Variants in SLC2A10 observed in about 807,000 individuals in gnomAD.
SLC2A10 encodes the protein solute carrier family 2, facilitated glucose transporter member 10.
SLC2A10 carries 25 observed loss-of-function variants against 32.1 expected under a neutral mutation model. The observed-to-expected ratio is 0.78, with a 90% CI of 0.57 to 1.09. The LOEUF is 1.09. Ranked by LOEUF, SLC2A10 falls within the 50% of genes least tolerant of loss-of-function variation. The probability of loss-of-function intolerance (pLI) is 0.00; values close to 1 mark genes in which losing one functional copy is unlikely to be tolerated. For synonymous variants in SLC2A10, 332 were observed against 309.6 expected, an observed-to-expected ratio of 1.07 and a Z score of -0.76; for missense variants, 673 against 686.5, an observed-to-expected ratio of 0.98 and a Z score of 0.22.
At chr20:46,716,222 G>T (rs565089734) in intron 1 of SLC2A10, among the ~76,000 whole-genome samples, 4 of 149,620 alleles carry the variant, frequency 2.7e-5, no homozygotes, top group Non-Finnish European at 5.9e-5. Context: ...GCACGATCTC[G>T]GCTCACTGCA....
chr20:46,734,805 T>G lies in SLC2A10; in HGVS notation c.*971T>G, dbSNP rs1166435806. 6.5e-6 allele frequency: 1 copy of G among 152,672 alleles called. No individual in the cohort carries two copies. The highest frequency in any genetic ancestry group is 1.5e-5 in the Non-Finnish European group (1 of 68,060). The allele number at this position is 152,672 out of a possible 1,614,324, so 9.5% of individuals were successfully genotyped here. On this transcript the variant is annotated 3_prime_UTR_variant, in exon 5 of 5. Transcript: ENST00000359271. The stretch of plus-strand genomic sequence containing the variant: ...GAATTCTAAATGCTGGTCTAGGAGC[T>G]GTCTCCAGGATGGTGCAGGATGGCT...
At chr20:46,731,044 C>A (rs1980269514) in intron 4 of SLC2A10, among the ~76,000 whole-genome samples, 1 of 152,214 alleles carries the variant, frequency 6.6e-6, no homozygotes, top group Admixed American at 6.5e-5. Context: ...TTGAGTGGAA[C>A]CTTCTGCAGT....
chr20:46,726,909 G>A lies in SLC2A10; in HGVS notation c.1334G>A (p.Gly445Glu), dbSNP rs753723351. ...GAGATCTACCCTGTGGAGATACGAGGAAGAGCCTTCGCCTTCTGCAACAGC... is the reference window on the plus strand; with the variant it reads ...GAGATCTACCCTGTGGAGATACGAGAAAGAGCCTTCGCCTTCTGCAACAGC... The part of the protein sequence containing the change: ...LSEIYPVEIR[G>E]RAFAFCNSFN... The change falls in exon 3 of 5, where the codon GGA (glycine) becomes GAA (glutamate). Residue 445 changes from glycine (G) to glutamate (E), a missense_variant. Physicochemically the swap from Gly to Glu is moderately conservative, Grantham distance 98. Transcript: ENST00000359271. 4.3e-6 allele frequency: 7 copies of A among 1,614,136 alleles called. No individual in the cohort carries two copies. Among genetic ancestry groups the A allele is most frequent in the Non-Finnish European group, 2.5e-6 (3 of 1,180,012 alleles).
In SLC2A10 at chr20:46,714,250, C is replaced by G. The variant is rs1002065346; in HGVS notation, c.4+4510C>G. ...CCCTGGTGAGCAAACACACCCGGTCCGACTCTCACTGGCCCAGGTTCACCC... is the reference window on the plus strand; with the variant it reads ...CCCTGGTGAGCAAACACACCCGGTCGGACTCTCACTGGCCCAGGTTCACCC... On this transcript the variant is annotated intron_variant, in intron 1 of 4. Coordinates refer to ENST00000359271, the MANE Select transcript of SLC2A10 (RefSeq NM_030777.4). 2.6e-5 allele frequency among the ~76,000 whole-genome samples: 4 copies of G among 152,242 alleles called. No individual in the cohort carries two copies. The East Asian group carries it at 7.8e-4, about 30-fold the overall frequency.
chr20:46,719,715 G>C (rs1979445894), intron 1 of SLC2A10, among the ~76,000 whole-genome samples: 1 of 152,218 alleles, frequency 6.6e-6, no homozygotes, highest in Non-Finnish European at 1.5e-5. Flanking sequence ...AAGTGGAGCA[G>C]GAGATGACAT....
In SLC2A10 at chr20:46,734,122, T is replaced by C. The variant is rs1980449433; in HGVS notation, c.*288T>C. 2 of 490,056 alleles carry C rather than the reference T, an allele frequency of 4.1e-6. No individual in the cohort carries two copies. Among genetic ancestry groups the C allele is most frequent in the South Asian group, 4.2e-5 (2 of 47,964 alleles). The allele number at this position is 490,056 out of a possible 1,614,324, so 30.4% of individuals were successfully genotyped here. ...TTTATAAGAAGAATATTCTATGAAG[T>C]CTTTGTTGCACCATGGACTTTTCTC... On this transcript the variant is annotated 3_prime_UTR_variant, in exon 5 of 5. Coordinates refer to ENST00000359271, the MANE Select transcript of SLC2A10 (RefSeq NM_030777.4).
Position 46,725,104 on chromosome 20 carries a change from G to T in SLC2A10, c.68G>T (p.Gly23Val). ...SVSLLGGLTF[G>V]YELAVISGAL... ...TCTTTGCTGGGTGGCCTGACCTTTGGTTATGAACTGGCAGTCATATCAGGT... is the reference window on the plus strand; with the variant it reads ...TCTTTGCTGGGTGGCCTGACCTTTGTTTATGAACTGGCAGTCATATCAGGT... Residue 23 changes from glycine (G) to valine (V), a missense_variant, in exon 2 of 5, where the codon GGT (glycine) becomes GTT (valine). Gly to Val is a moderately radical substitution (Grantham distance 109). Coordinates refer to ENST00000359271, the MANE Select transcript of SLC2A10 (RefSeq NM_030777.4). The T allele has an allele frequency of 6.2e-7, 1 of 1,614,186 alleles. No homozygotes were observed. The highest frequency in any genetic ancestry group is 8.5e-7 in the Non-Finnish European group (1 of 1,180,038).
At chr20:46,709,993 G>A (rs758525146) in intron 1 of SLC2A10, 31 of 539,578 alleles carry the variant, frequency 5.7e-5, no homozygotes, top group Non-Finnish European at 8.7e-5. Flanking sequence ...CGCCCACTCG[G>A]GCCCAGGCAC....
chr20:46,736,099 T>A lies in SLC2A10; in HGVS notation c.*2265T>A, dbSNP rs1980553569. On this transcript the variant is annotated 3_prime_UTR_variant, in exon 5 of 5. Transcript: ENST00000359271. ...GGCAAAAAAAAAAATATTAACAAAA[T>A]ATTCTGTAAGAATCAATTGTCTATA... 6.6e-6 allele frequency: 1 copy of A among 152,108 alleles called. No homozygotes were observed. The highest frequency in any genetic ancestry group is 2.1e-4 in the South Asian group (1 of 4,830). The allele number at this position is 152,108 out of a possible 1,614,324, so 9.4% of individuals were successfully genotyped here. A position where few individuals can be genotyped will look rare whatever the true frequency, so the allele number is the denominator to read the frequency against.
Position 46,723,256 on chromosome 20 carries a change from G to A in SLC2A10, c.5-1785G>A, listed in dbSNP as rs999729333. ...CTCCAGTCATCACACCTGCATTCCA[G>A]GCAAGAGGTAAGGGAGCTAGAAAAA... On this transcript the variant is annotated intron_variant, in intron 1 of 4. Coordinates refer to ENST00000359271, the MANE Select transcript of SLC2A10 (RefSeq NM_030777.4). Among the ~76,000 whole-genome samples the A allele has an allele frequency of 1.7e-4, 26 of 152,076 alleles. 1 individual carries two copies. The highest frequency in any genetic ancestry group is 7.4e-5 in the Non-Finnish European group (5 of 68,022).
In SLC2A10 at chr20:46,726,344, A is replaced by G. The variant is rs1979960478; in HGVS notation, c.1288+20A>G. On this transcript the variant is annotated intron_variant, in intron 2 of 4. Transcript: ENST00000359271. ...GGCCAGGTAAGTGGAGTTTTCTTGC[A>G]GGTGACTCTGGAGACTTCTACCCCT... 10 of 1,603,112 alleles carry G rather than the reference A, an allele frequency of 6.2e-6. No individual in the cohort carries two copies. The highest frequency in any genetic ancestry group is 8.5e-6 in the Non-Finnish European group (10 of 1,179,828).
rs2425906 is a variant in SLC2A10 at position 46,729,506 on chromosome 20, T to C, written c.1547+18T>C. ...AAGAGACGGTAGGAAGCTGACAGGGTGGGTCTGGGGGAAGAGCTGTAGCAC... is the reference window on the plus strand; with the variant it reads ...AAGAGACGGTAGGAAGCTGACAGGGCGGGTCTGGGGGAAGAGCTGTAGCAC... On this transcript the variant is annotated intron_variant, in intron 4 of 4. Coordinates refer to ENST00000359271, the MANE Select transcript of SLC2A10 (RefSeq NM_030777.4). 1 of 1,611,978 alleles carries C rather than the reference T, an allele frequency of 6.2e-7. No individual in the cohort carries two copies. Among genetic ancestry groups the C allele is most frequent in the Non-Finnish European group, 8.5e-7 (1 of 1,178,658 alleles).
chr20:46,723,945 A>G (rs1244856520), intron 1 of SLC2A10, among the ~76,000 whole-genome samples: 1 of 152,262 alleles, frequency 6.6e-6, no homozygotes, highest in Non-Finnish European at 1.5e-5. Flanking sequence ...TCTGGCATTT[A>G]GTAAGGGCCA....
At position 46,725,088 on chromosome 20, in the gene SLC2A10, G is replaced by T; in HGVS notation, c.52G>T (p.Gly18Cys). Residue 18 changes from glycine to cysteine, a missense_variant, in exon 2 of 5, where the codon GGT becomes TGT. Coordinates refer to ENST00000359271, the MANE Select transcript of SLC2A10 (RefSeq NM_030777.4). ...LPLCASVSLL[G>C]GLTFGYELAV... ...TTTGTGTGCCTCTGTGTCTTTGCTG[G>T]GTGGCCTGACCTTTGGTTATGAACT... 6.2e-7 allele frequency: 1 copy of T among 1,614,144 alleles called. No individual in the cohort carries two copies. The highest frequency in any genetic ancestry group is 8.5e-7 in the Non-Finnish European group (1 of 1,180,026).
Position 46,733,661 on chromosome 20 carries a change from G to T in SLC2A10, c.1548-95G>T. The T allele has an allele frequency of 9.8e-6, 9 of 919,308 alleles. No homozygotes were observed. The South Asian group carries it at 1.2e-4, about 12-fold the overall frequency. 56.9% of individuals were successfully genotyped at this position (919,308 alleles called of 1,614,324 possible). On this transcript the variant is annotated intron_variant, in intron 4 of 4. Transcript: ENST00000359271. ...AAGGGTCATGGTAGGAGTGAAGGTG[G>T]GATTGGGTGGTGGGAACCCCAGTGG...
Position 46,729,471 on chromosome 20 carries a change from G to A in SLC2A10, c.1530G>A (p.Gln510=). 1.2e-6 allele frequency: 2 copies of A among 1,614,070 alleles called. No homozygotes were observed. The highest frequency in any genetic ancestry group is 1.7e-6 in the Non-Finnish European group (2 of 1,180,008). The stretch of plus-strand genomic sequence containing the variant: ...GCCAGTCGTTGGCAGAGATAGACCA[G>A]CAGTTCCAGAAGAGACGGTAGGAAG... The part of the protein sequence containing the change: ...TKGQSLAEID[Q]QFQKRRFTLS... Residue 510 remains glutamine (Q), a synonymous_variant, in exon 4 of 5, where the codon CAG becomes CAA. Transcript: ENST00000359271.
rs1980434403 is a variant in SLC2A10 at position 46,733,895 on chromosome 20, G to A, written c.*61G>A. 6.7e-7 allele frequency: 1 copy of A among 1,501,884 alleles called. No homozygotes were observed. The highest frequency in any genetic ancestry group is 9.2e-7 in the Non-Finnish European group (1 of 1,083,302). 93.0% of individuals were successfully genotyped at this position (1,501,884 alleles called of 1,614,324 possible). A position where few individuals can be genotyped will look rare whatever the true frequency, so the allele number is the denominator to read the frequency against. ...TTTGGCAGACCATCTCCAGCATCCT[G>A]CTTCCTAGGCCCCAGAGCACAAGTT... is the stretch of plus-strand genomic sequence containing the variant. On this transcript the variant is annotated 3_prime_UTR_variant, in exon 5 of 5. Transcript: ENST00000359271.
chr20:46,717,420 C>T (rs1979313033), intron 1 of SLC2A10, among the ~76,000 whole-genome samples: 1 of 152,144 alleles, frequency 6.6e-6, no homozygotes. Context: ...GAGTCTTGCT[C>T]TGTCGCCCAG....
In SLC2A10 at chr20:46,725,526, T is replaced by C; in HGVS notation, c.490T>C (p.Trp164Arg). ...NYALAGTPWG[W>R]RHMFGWATAP... ...TGCACTGGCTGGTACCCCCTGGGGA[T>C]GGAGGCACATGTTCGGCTGGGCCAC... Residue 164 changes from tryptophan to arginine, a missense_variant, in exon 2 of 5, where the codon TGG becomes CGG. Coordinates refer to ENST00000359271, the MANE Select transcript of SLC2A10 (RefSeq NM_030777.4). The C allele has an allele frequency of 6.2e-7, 1 of 1,614,166 alleles. No homozygotes were observed.
Sources: gnomAD v4.1 joint callset for allele counts (sites outside exome capture counted in the v4.1 genomes callset) on GRCh38, gnomAD v4.1.1 for gene constraint, MANE v1.5 for transcripts, NCBI Gene and HGNC (gene_info 2026-07-23, HGNC 2026-07-21) for gene names.